The following CNTN4 variants were observed in gnomAD, a reference collection of about 807,000 sequenced individuals.
CNTN4 encodes contactin-4.
Under a neutral mutation model 122.5 loss-of-function variants are expected in CNTN4, and 77 were observed. That is an observed-to-expected ratio of 0.63 (90% CI 0.52 to 0.76). The LOEUF (loss-of-function observed/expected upper bound fraction) is 0.76, where lower values mean the gene tolerates loss of function less well. Ranked by LOEUF, CNTN4 falls within the 30% of genes least tolerant of loss-of-function variation. The pLI, the probability that CNTN4 is intolerant of heterozygous loss-of-function variation, is 0.00. For synonymous variants in CNTN4, 512 were observed against 447.0 expected (o/e 1.15, Z -1.83); for missense variants, 1,256 against 1,259.1 (o/e 1.00, Z 0.04).
intron 2 of CNTN4, among the ~76,000 whole-genome samples, chr3:2,277,901 A>G (rs1675752541): frequency 6.6e-6 from 1 of 152,200 alleles, no homozygotes; most frequent in Non-Finnish European, 1.5e-5. Context: ...CAGTGGAATC[A>G]GCACAATACC....
Position 2,428,793 on chromosome 3 carries a change from A to C in CNTN4, c.-89+89560A>C, listed in dbSNP as rs570070577. ...GTTTCTTTTTACTCTTTTTTCTCTA[A>C]ACTTCTCTTCTTGCTTCATTTCATT... On this transcript the variant is annotated intron_variant, in intron 3 of 24. Transcript: ENST00000418658. Among the ~76,000 whole-genome samples, 12 of 152,012 alleles carry C rather than the reference A, an allele frequency of 7.9e-5. No homozygotes were observed. The East Asian group carries it at 2.1e-3, about 27-fold the overall frequency.
In CNTN4 at chr3:2,575,809, CTTTTTTTTTTT is replaced by C. The variant is rs56303805; in HGVS notation, c.55+4269_55+4279del. Among the ~76,000 whole-genome samples, 127 of 101,224 alleles carry C rather than the reference CTTTTTTTTTTT, an allele frequency of 1.3e-3. 1 individual carries two copies. Among genetic ancestry groups the C allele is most frequent in the Admixed American group, 3.9e-3 (34 of 8,624 alleles). The allele number at this position is 101,224 out of a possible 152,430, so 66.4% of individuals were successfully genotyped here. A position where few individuals can be genotyped will look rare whatever the true frequency, so the allele number is the denominator to read the frequency against. ...TGATATATTTTGCTTTCTTCTTCTT[CTTTTTTTTTTT>C]TTTTTTTTTTTTTTTTTGTGAGAGA... On this transcript the variant is annotated intron_variant, in intron 4 of 24. Transcript: ENST00000418658.
chr3:2,917,108 C>T (rs1386218596), intron 12 of CNTN4, among the ~76,000 whole-genome samples: 2 of 135,806 alleles, frequency 1.5e-5, no homozygotes, highest in Non-Finnish European at 3.1e-5. Flanking sequence ...GAGACCAGCC[C>T]GGCCAACACG....
intron 2 of CNTN4, among the ~76,000 whole-genome samples, chr3:2,183,080 G>C (rs562668084): frequency 6.6e-5 from 10 of 152,180 alleles, no homozygotes; most frequent in Non-Finnish European, 1.2e-4. Context: ...TATACATTCA[G>C]TCTTTTAGGA....
intron 2 of CNTN4, among the ~76,000 whole-genome samples, chr3:2,224,699 A>G (rs2039199030): frequency 6.6e-6 from 1 of 152,188 alleles, no homozygotes; most frequent in South Asian, 2.1e-4. Context: ...AATGCTTCTA[A>G]CATCCTAAAT....
chr3:2,987,209 G>A (rs954203671), intron 13 of CNTN4, among the ~76,000 whole-genome samples: 7 of 152,106 alleles, frequency 4.6e-5, no homozygotes, highest in Non-Finnish European at 7.3e-5. Context: ...AGAGTTCATC[G>A]AAGGGTAGAA....
At chr3:2,860,779 A>G (rs1577078184) in intron 7 of CNTN4, among the ~76,000 whole-genome samples, 1 of 152,192 alleles carries the variant, frequency 6.6e-6, no homozygotes, top group East Asian at 1.9e-4. Flanking sequence ...TCAGAATCCA[A>G]AGTCTATTGG....
At chr3:2,173,453 G>C (rs1439314565) in intron 2 of CNTN4, among the ~76,000 whole-genome samples, 1 of 152,180 alleles carries the variant, frequency 6.6e-6, no homozygotes, top group Non-Finnish European at 1.5e-5. Context: ...TCCTTCTTCA[G>C]AGTTTCCACA....
At chr3:2,469,040 G>A (rs189178396) in intron 3 of CNTN4, among the ~76,000 whole-genome samples, 1 of 152,234 alleles carries the variant, frequency 6.6e-6, no homozygotes, top group East Asian at 1.9e-4. Flanking sequence ...CACTGTGGTC[G>A]AGCTCATTGC....
At chr3:2,185,461 A>C (rs968571694) in intron 2 of CNTN4, among the ~76,000 whole-genome samples, 2 of 152,100 alleles carry the variant, frequency 1.3e-5, no homozygotes, top group Non-Finnish European at 2.9e-5. Flanking sequence ...AGGGTCTGAA[A>C]CTTAGGGGAT....
At chr3:2,521,997 C>A (rs1443246390) in intron 3 of CNTN4, among the ~76,000 whole-genome samples, 1 of 152,092 alleles carries the variant, frequency 6.6e-6, no homozygotes, top group Non-Finnish European at 1.5e-5. Context: ...GAGGAATGAT[C>A]ATTACTGTTT....
intron 13 of CNTN4, among the ~76,000 whole-genome samples, chr3:2,961,567 C>T (rs1184176453): frequency 6.6e-6 from 1 of 152,094 alleles, no homozygotes; most frequent in Non-Finnish European, 1.5e-5. Flanking sequence ...TTTTTATTTT[C>T]CTCACTGCCT....
At chr3:2,821,297 A>C (rs1382349860) in intron 7 of CNTN4, among the ~76,000 whole-genome samples, 1 of 152,174 alleles carries the variant, frequency 6.6e-6, no homozygotes, top group Non-Finnish European at 1.5e-5. Context: ...TAAAGCTAGC[A>C]CAGCTTCTAG....
intron 23 of CNTN4, among the ~76,000 whole-genome samples, chr3:3,052,159 A>G (rs992142663): frequency 2.6e-5 from 4 of 152,192 alleles, no homozygotes; most frequent in Non-Finnish European, 5.9e-5. Context: ...TTAGAAAACA[A>G]CTACAGCATG....
At chr3:2,901,161 T>C (rs2151134089) in intron 11 of CNTN4, among the ~76,000 whole-genome samples, 1 of 152,276 alleles carries the variant, frequency 6.6e-6, no homozygotes, top group African/African-American at 2.4e-5. Flanking sequence ...AGAAGGGGCA[T>C]TGACACAATA....
intron 3 of CNTN4, among the ~76,000 whole-genome samples, chr3:2,430,287 T>G (rs1401914467): frequency 6.6e-6 from 1 of 151,792 alleles, no homozygotes; most frequent in Non-Finnish European, 1.5e-5. Context: ...CCGGGCGTGG[T>G]GGCGGGCGCC....
At chr3:2,190,971 C>G (rs1185361416) in intron 2 of CNTN4, among the ~76,000 whole-genome samples, 1 of 152,120 alleles carries the variant, frequency 6.6e-6, no homozygotes, top group African/African-American at 2.4e-5. Flanking sequence ...TTTCACCTCA[C>G]CAGTTCAAGA....
At chr3:2,308,891 T>C (rs1326544200) in intron 2 of CNTN4, among the ~76,000 whole-genome samples, 1 of 152,066 alleles carries the variant, frequency 6.6e-6, no homozygotes, top group Non-Finnish European at 1.5e-5. Flanking sequence ...TTTTACAGTC[T>C]AAGTTGAAAA....
chr3:2,583,447 C>G (rs528069717), intron 4 of CNTN4, among the ~76,000 whole-genome samples: 2 of 152,244 alleles, frequency 1.3e-5, no homozygotes, highest in South Asian at 4.2e-4. Flanking sequence ...AGAATGTCTT[C>G]CTGAATTATA....
Sources: allele counts gnomAD v4.1 joint callset (sites outside exome capture counted in the v4.1 genomes callset), GRCh38; gene constraint gnomAD v4.1.1; transcripts MANE v1.5; gene names NCBI Gene and HGNC (gene_info 2026-07-23, HGNC 2026-07-21).